Variants in LPIN1 observed in about 807,000 individuals in gnomAD.
The protein encoded by LPIN1 is phosphatidate phosphatase LPIN1.
In LPIN1, 71 loss-of-function variants were observed where a neutral mutation model predicts 107.5. The observed-to-expected ratio is 0.66, with a 90% CI of 0.55 to 0.80. The LOEUF (loss-of-function observed/expected upper bound fraction) is 0.80, where lower values mean the gene tolerates loss of function less well. Among genes scored for constraint, LPIN1 ranks in the 30% least tolerant of loss-of-function variants. The probability of loss-of-function intolerance (pLI) is 0.00; values close to 1 mark genes in which losing one functional copy is unlikely to be tolerated. For missense variants in LPIN1, 1,043 were observed against 1,160.6 expected (o/e 0.90, Z 1.47); for synonymous variants, 445 against 452.6 (o/e 0.98, Z 0.21).
rs1678120018 is a variant in LPIN1 at position 11,803,363 on chromosome 2, T to A, written c.2013+330T>A. On this transcript the variant is annotated intron_variant, in intron 15 of 20. Coordinates refer to ENST00000674199, the MANE Select transcript of LPIN1 (RefSeq NM_001349206.2). This position sits in a 1 kb window ranked among gnomAD's most constrained non-coding sequence, Gnocchi z 4.2. ...TAGACTTGAAAATCACTCAAGGGTG[T>A]TTTTGCTTCAAGAGAGAGATGTTTG... 6.6e-6 allele frequency among the ~76,000 whole-genome samples: 1 copy of A among 152,038 alleles called. No homozygotes were observed. Among genetic ancestry groups the A allele is most frequent in the Non-Finnish European group, 1.5e-5 (1 of 68,020 alleles).
intron 1 of LPIN1, among the ~76,000 whole-genome samples, chr2:11,738,521 G>A (rs1024602123): frequency 6.7e-6 from 1 of 150,318 alleles, no homozygotes; most frequent in Non-Finnish European, 1.5e-5. Context: ...ACAGGGAGCA[G>A]GTTTACCCTC....
Position 11,779,410 on chromosome 2 carries a change from C to T in LPIN1, c.831-109C>T, listed in dbSNP as rs1481533163. On this transcript the variant is annotated intron_variant, in intron 6 of 20. Coordinates refer to ENST00000674199, the MANE Select transcript of LPIN1 (RefSeq NM_001349206.2). Reference sequence around the variant, plus strand: ...GTCATGAGGCTCCGCTCAGAGCGAACGACAGCTGGGGGTGCATTTTCTGGG... The same window carrying T: ...GTCATGAGGCTCCGCTCAGAGCGAATGACAGCTGGGGGTGCATTTTCTGGG... The T allele has an allele frequency of 1.4e-5, 17 of 1,196,124 alleles. No individual in the cohort carries two copies. The East Asian group carries it at 2.7e-4, about 19-fold the overall frequency. 74.1% of individuals were successfully genotyped at this position (1,196,124 alleles called of 1,614,324 possible). A position where few individuals can be genotyped will look rare whatever the true frequency, so the allele number is the denominator to read the frequency against.
chr2:11,765,817 T>C lies in LPIN1; in HGVS notation c.192+84T>C. On this transcript the variant is annotated intron_variant, in intron 2 of 20. Coordinates refer to ENST00000674199, the MANE Select transcript of LPIN1 (RefSeq NM_001349206.2). This position sits in a 1 kb window ranked among gnomAD's most constrained non-coding sequence, Gnocchi z 4.4. ...TCTGGTGATGCCACCTGTCTTGAAC[T>C]CTCAGACCCAGAGTTTTAGGTCTTC... 8.0e-7 allele frequency: 1 copy of C among 1,246,034 alleles called. No individual in the cohort carries two copies. The highest frequency in any genetic ancestry group is 1.1e-6 in the Non-Finnish European group (1 of 892,314). 77.2% of individuals were successfully genotyped at this position (1,246,034 alleles called of 1,614,324 possible). A position where few individuals can be genotyped will look rare whatever the true frequency, so the allele number is the denominator to read the frequency against.
chr2:11,775,809 A>C (rs1036671027), intron 5 of LPIN1, among the ~76,000 whole-genome samples: 12 of 149,202 alleles, frequency 8.0e-5, no homozygotes, highest in African/African-American at 3.0e-4. Flanking sequence ...CGTTGTTGAG[A>C]GTAGTCAAAT....
intron 17 of LPIN1, among the ~76,000 whole-genome samples, chr2:11,811,227 A>G (rs562735761): frequency 3.3e-5 from 5 of 152,272 alleles, no homozygotes; most frequent in Non-Finnish European, 5.9e-5. Flanking sequence ...GGACCGTGGA[A>G]GGAGCCTGTG....
At position 11,788,444 on chromosome 2, in the gene LPIN1, AC is replaced by A; in HGVS notation, c.1703del (p.Pro568LeufsTer11). The A allele has an allele frequency of 6.2e-7, 1 of 1,613,734 alleles. No individual in the cohort carries two copies. The highest frequency in any genetic ancestry group is 8.5e-7 in the Non-Finnish European group (1 of 1,179,606). On this transcript the variant is annotated frameshift_variant, in exon 12 of 21. Transcript: ENST00000674199. LOFTEE classifies it high-confidence loss of function. ...TCCTGGCAATGCAGGCCTTCCAGAAACCTTTGCCAAAGGTGAGCTTTAACAT... is the reference window on the plus strand; with the variant it reads ...TCCTGGCAATGCAGGCCTTCCAGAAACTTTGCCAAAGGTGAGCTTTAACAT... The part of the protein sequence containing the change: ...LLLAMQAFQK[P>X]LPKATVESIM...
At chr2:11,696,821 T>C (rs972551574) in intron 1 of LPIN1, among the ~76,000 whole-genome samples, 3 of 152,214 alleles carry the variant, frequency 2.0e-5, no homozygotes, top group African/African-American at 7.2e-5. Context: ...CTCTGACACT[T>C]TGGGGGGCTC....
At chr2:11,780,585 C>G (rs1340204426) in intron 7 of LPIN1, among the ~76,000 whole-genome samples, 1 of 152,196 alleles carries the variant, frequency 6.6e-6, no homozygotes, top group African/African-American at 2.4e-5. Context: ...CTATGGAGAT[C>G]TCCAAAATAA....
intron 1 of LPIN1, among the ~76,000 whole-genome samples, chr2:11,747,320 CTGCACG>C (rs1452632607): frequency 1.3e-5 from 2 of 152,230 alleles, no homozygotes; most frequent in African/African-American, 4.8e-5. Context: ...TCAGCTGCTC[CTGCACG>C]TAATTTTATT....
chr2:11,822,277 C>CAAAAAAAAA (rs751514674), intron 20 of LPIN1, among the ~76,000 whole-genome samples: 1 of 78,878 alleles, frequency 1.3e-5, no homozygotes, highest in African/African-American at 4.8e-5. Context: ...CTAGAAATGC[C>CAAAAAAAAA]AAAAAAAAAA....
In LPIN1 at chr2:11,767,850, AATG is replaced by A. The variant is rs769157525; in HGVS notation, c.283_285del (p.Asp95del). ...AGCATTTTTTGTTCAAGAAACAGAT[AATG>A]ATCAGGTAAGGAAGCCTGGGTGGTC... is the stretch of plus-strand genomic sequence containing the variant. On this transcript the variant is annotated inframe_deletion, in exon 3 of 21. Coordinates refer to ENST00000674199, the MANE Select transcript of LPIN1 (RefSeq NM_001349206.2). 1.6e-5 allele frequency: 26 copies of A among 1,604,580 alleles called. No individual in the cohort carries two copies. Among genetic ancestry groups the A allele is most frequent in the Middle Eastern group, 3.3e-4 (2 of 6,038 alleles).
At chr2:11,764,777 G>A (rs1472324725) in intron 1 of LPIN1, among the ~76,000 whole-genome samples, 2 of 152,230 alleles carry the variant, frequency 1.3e-5, no homozygotes, top group South Asian at 2.1e-4. Context: ...GGGATCCTAC[G>A]CTGTATGAAA....
chr2:11,717,653 AAAAATTATTTAGC>A (rs1044104510), intron 2 of LPIN1, among the ~76,000 whole-genome samples: 8 of 152,164 alleles, frequency 5.3e-5, no homozygotes, highest in African/African-American at 1.9e-4. Flanking sequence ...AATTTTTAAA[AAAAATTATTTAGC>A]AAATCTTATA....
At chr2:11,787,976 C>G (rs1324301947) in intron 11 of LPIN1, among the ~76,000 whole-genome samples, 1 of 151,862 alleles carries the variant, frequency 6.6e-6, no homozygotes, top group African/African-American at 2.4e-5. Context: ...ACTTCATTAT[C>G]TGAGGGCAAG....
intron 1 of LPIN1, among the ~76,000 whole-genome samples, chr2:11,687,705 C>T (rs1164294570): frequency 3.3e-5 from 5 of 152,234 alleles, no homozygotes; most frequent in African/African-American, 4.8e-5. Flanking sequence ...CCATAGACTG[C>T]GTGAGACCCT....
At chr2:11,758,911 C>T (rs1203437493) in intron 1 of LPIN1, among the ~76,000 whole-genome samples, 1 of 152,156 alleles carries the variant, frequency 6.6e-6, no homozygotes. Flanking sequence ...AACTAAGGAT[C>T]CCTTAGTTGA....
Position 11,779,422 on chromosome 2 carries a change from G to T in LPIN1, c.831-97G>T, listed in dbSNP as rs916756184. 11 of 1,277,824 alleles carry T rather than the reference G, an allele frequency of 8.6e-6. No homozygotes were observed. The Admixed American group carries it at 1.5e-4, about 18-fold the overall frequency. 79.2% of individuals were successfully genotyped at this position (1,277,824 alleles called of 1,614,324 possible). The stretch of plus-strand genomic sequence containing the variant: ...CGCTCAGAGCGAACGACAGCTGGGG[G>T]TGCATTTTCTGGGCTATTTGAGCCA... On this transcript the variant is annotated intron_variant, in intron 6 of 20. Transcript: ENST00000674199.
intron 12 of LPIN1, among the ~76,000 whole-genome samples, chr2:11,789,420 TTA>T (rs1375272104): frequency 1.3e-5 from 2 of 152,150 alleles, no homozygotes; most frequent in South Asian, 2.1e-4. Flanking sequence ...GGTGTGTGCC[TTA>T]TGTGTGTGCG....
intron 10 of LPIN1, 56 bp from the exon 11 acceptor site, chr2:11,787,017 AT>A: frequency 2.4e-6 from 3 of 1,242,754 alleles, no homozygotes; most frequent in Non-Finnish European, 3.6e-6. Context: ...GGTAGGCCTA[AT>A]TTTGAACTGA....
Sources: gnomAD v4.1 joint callset for allele counts (sites outside exome capture counted in the v4.1 genomes callset) on GRCh38, gnomAD v4.1.1 for gene constraint, Gnocchi (gnomAD v3.1) non-coding constraint, MANE v1.5 for transcripts, NCBI Gene and HGNC (gene_info 2026-07-23, HGNC 2026-07-21) for gene names.